Variants in C10orf105 observed in about 807,000 individuals in gnomAD.
C10orf105 encodes the protein uncharacterized protein C10orf105.
In C10orf105, 2 loss-of-function variants were observed where a neutral mutation model predicts 0.6. That is an observed-to-expected ratio of 3.18 (90% CI 1.30 to 10.01). The LOEUF is 10.01. Ranked by LOEUF, C10orf105 falls within the 30% of genes most tolerant of loss-of-function variation. The probability of loss-of-function intolerance (pLI) is 0.04; values close to 1 mark genes in which losing one functional copy is unlikely to be tolerated. For missense variants in C10orf105, 209 were observed against 191.4 expected (o/e 1.09, Z -0.54); for synonymous variants, 95 against 82.4 (o/e 1.15, Z -0.83).
intron 1 of C10orf105, among the ~76,000 whole-genome samples, chr10:71,718,179 A>G (rs916225583): frequency 6.6e-6 from 1 of 152,206 alleles, no homozygotes; most frequent in African/African-American, 2.4e-5. Flanking sequence ...GGAGGAGGAA[A>G]GATGTCAGGT....
At chr10:71,722,098 A>G (rs1589373116), upstream of C10orf105, among the ~76,000 whole-genome samples, 1 of 152,220 alleles carries the variant, frequency 6.6e-6, no homozygotes, top group Non-Finnish European at 1.5e-5. Context: ...AACGATAGGA[A>G]AGCCTACATT....
chr10:71,727,140 G>GC (rs2132810525), intron 1 of C10orf105, among the ~76,000 whole-genome samples: 1 of 152,298 alleles, frequency 6.6e-6, no homozygotes, highest in East Asian at 1.9e-4. Context: ...CCTCATAATA[G>GC]CCTTATGAAG....
At chr10:71,734,205 T>C in intron 1 of C10orf105, 2 of 1,534,932 alleles carry the variant, frequency 1.3e-6, no homozygotes, top group Non-Finnish European at 1.8e-6. Context: ...AAGGGTGCGA[T>C]GTTGTCACTC....
chr10:71,722,523 T>C (rs544161765), upstream of C10orf105, among the ~76,000 whole-genome samples: 3 of 152,222 alleles, frequency 2.0e-5, no homozygotes, highest in Non-Finnish European at 2.9e-5. Context: ...GACCCTACTG[T>C]GTGCCAGGAT....
At chr10:71,724,055 C>T (rs745320257), upstream of C10orf105, 17 of 1,559,980 alleles carry the variant, frequency 1.1e-5, no homozygotes, top group East Asian at 2.4e-5. Context: ...CTGAAAGCCA[C>T]GGACGCAGAT....
chr10:71,736,708 G>A (rs1469607421), intron 1 of C10orf105, among the ~76,000 whole-genome samples: 3 of 152,196 alleles, frequency 2.0e-5, no homozygotes, highest in Non-Finnish European at 4.4e-5. Context: ...TAGTCATTGT[G>A]GGAACACCTG....
At chr10:71,724,549 A>G (rs1866722085), upstream of C10orf105, among the ~76,000 whole-genome samples, 2 of 152,094 alleles carry the variant, frequency 1.3e-5, no homozygotes, top group Non-Finnish European at 2.9e-5. Context: ...TGATCCACCC[A>G]TCTCAGCCTT....
intron 1 of C10orf105, among the ~76,000 whole-genome samples, chr10:71,734,870 T>C (rs539967394): frequency 6.6e-6 from 1 of 152,342 alleles, no homozygotes; most frequent in East Asian, 1.9e-4. Context: ...CTCTGTGTCT[T>C]GCCTAGCCCC....
In C10orf105 at chr10:71,732,382, G is replaced by C. The variant is rs1372573398; in HGVS notation, c.-6+5346C>G. ...CAAGATAGACGCCATCACGGTGAGG[G>C]GCTGGGGGCAGGGAGCACCATTTCT... On this transcript the variant is annotated intron_variant, in intron 1 of 1. Coordinates refer to the C10orf105 transcript ENST00000398786. 1 of 1,556,410 alleles carries C rather than the reference G, an allele frequency of 6.4e-7. No individual in the cohort carries two copies.
upstream of C10orf105, chr10:71,724,060 G>A (rs746708121): frequency 1.7e-5 from 26 of 1,560,380 alleles, no homozygotes; most frequent in South Asian, 4.7e-5. Context: ...AGCCACGGAC[G>A]CAGATGAGGG....
intron 1 of C10orf105, chr10:71,716,556 T>C (rs980574576): frequency 3.5e-5 from 16 of 456,724 alleles, no homozygotes; most frequent in Admixed American, 3.9e-5. Flanking sequence ...GGGCCCAAGC[T>C]CAGGCCCTCT....
chr10:71,729,327 C>T (rs955562540), intron 1 of C10orf105, among the ~76,000 whole-genome samples: 9 of 152,264 alleles, frequency 5.9e-5, no homozygotes, highest in African/African-American at 2.2e-4. Flanking sequence ...GTGTAAGAAG[C>T]GCCCACAGGA....
chr10:71,735,113 T>C (rs1368694459), intron 1 of C10orf105, among the ~76,000 whole-genome samples: 2 of 152,220 alleles, frequency 1.3e-5, no homozygotes, highest in Non-Finnish European at 2.9e-5. Context: ...AAGCCAGTCC[T>C]GGAAGCAGAT....
At chr10:71,734,839 TC>T (rs2132832924) in intron 1 of C10orf105, among the ~76,000 whole-genome samples, 1 of 152,322 alleles carries the variant, frequency 6.6e-6, no homozygotes, top group Non-Finnish European at 1.5e-5. Flanking sequence ...CTGGGGCATG[TC>T]CCCTGCCTCC....
chr10:71,734,638 T>C lies in C10orf105; in HGVS notation c.-6+3090A>G, dbSNP rs77770890. On this transcript the variant is annotated intron_variant, in intron 1 of 1. Coordinates refer to the C10orf105 transcript ENST00000398786. Reference sequence around the variant, plus strand: ...GCCTTTTCTCTCACTCCCCTCCTGCTGCTGCCTCTGCCTACAGAAGGTGAG... The same window carrying C: ...GCCTTTTCTCTCACTCCCCTCCTGCCGCTGCCTCTGCCTACAGAAGGTGAG... The C allele has an allele frequency of 0.021, 31,565 of 1,500,316 alleles. 407 individuals are homozygous for C. The highest frequency in any genetic ancestry group is 0.025 in the Non-Finnish European group (27,822 of 1,107,400). 92.9% of individuals were successfully genotyped at this position (1,500,316 alleles called of 1,614,324 possible). A position where few individuals can be genotyped will look rare whatever the true frequency, so the allele number is the denominator to read the frequency against.
chr10:71,719,095 A>G (rs1294315592), intron 1 of C10orf105, among the ~76,000 whole-genome samples: 1 of 152,098 alleles, frequency 6.6e-6, no homozygotes, highest in Non-Finnish European at 1.5e-5. Context: ...TAAAAAATAA[A>G]AAAAAAATAA....
In C10orf105 at chr10:71,731,860, C is replaced by T. The variant is rs74516676; in HGVS notation, c.-6+5868G>A. The T allele has an allele frequency of 3.9e-3, 3,506 of 910,174 alleles. 62 individuals carry two copies. The African/African-American group carries it at 0.046, about 12-fold the overall frequency. 56.4% of individuals were successfully genotyped at this position (910,174 alleles called of 1,614,324 possible). On this transcript the variant is annotated intron_variant, in intron 1 of 1. Transcript: ENST00000398786. ...GCTGCATCTCTGAGGATGATCCTGC[C>T]GGCAGAGGTGGGGCAGCCCATGCTG...
At chr10:71,723,891 C>T (rs529958473), upstream of C10orf105, among the ~76,000 whole-genome samples, 33 of 152,298 alleles carry the variant, frequency 2.2e-4, 1 homozygote, top group South Asian at 6.8e-3. Flanking sequence ...ACATACACGT[C>T]CCCTTGTCTC....
intron 1 of C10orf105, among the ~76,000 whole-genome samples, chr10:71,731,819 C>A (rs1839397899): frequency 6.6e-6 from 1 of 152,166 alleles, no homozygotes; most frequent in Admixed American, 6.5e-5. Context: ...TCCACATTGA[C>A]CTTAACACAT....
Sources: allele counts gnomAD v4.1 joint callset (sites outside exome capture counted in the v4.1 genomes callset), GRCh38; gene constraint gnomAD v4.1.1; transcripts MANE v1.5; gene names NCBI Gene and HGNC (gene_info 2026-07-23, HGNC 2026-07-21).